Variants in C1orf146 observed in about 807,000 individuals in gnomAD.
C1orf146 encodes protein SPO16 homolog.
Under a neutral mutation model 23.0 loss-of-function variants are expected in C1orf146, and 22 were observed. That is an observed-to-expected ratio of 0.96 (90% CI 0.68 to 1.36). The LOEUF (loss-of-function observed/expected upper bound fraction) is 1.36, where lower values mean the gene tolerates loss of function less well. Ranked by LOEUF, C1orf146 falls within the 40% of genes most tolerant of loss-of-function variation. The pLI is 0.00. For synonymous variants in C1orf146, 59 were observed against 65.3 expected (o/e 0.90, Z 0.47); for missense variants, 199 against 206.8 (o/e 0.96, Z 0.23).
At chr1:92,237,305 T>G (rs1652307028) in intron 2 of C1orf146, among the ~76,000 whole-genome samples, 1 of 152,322 alleles carries the variant, frequency 6.6e-6, no homozygotes, top group Non-Finnish European at 1.5e-5. Flanking sequence ...CCTTTCTGTT[T>G]GTTAGTTTTC....
At position 92,223,734 on chromosome 1, in the gene C1orf146, A is replaced by G. The variant is rs369771968; in HGVS notation, c.-40+5686A>G. 1.5e-4 allele frequency among the ~76,000 whole-genome samples: 23 copies of G among 152,108 alleles called. No individual in the cohort carries two copies. The East Asian group carries it at 3.3e-3, about 22-fold the overall frequency. The stretch of plus-strand genomic sequence containing the variant: ...TTTTTAGTAGAAATGGGTTTTCACC[A>G]TGTTGGCCAGGATGGTCTCAAACTC... On this transcript the variant is annotated intron_variant, in intron 1 of 5. Coordinates refer to ENST00000370375, the MANE Select transcript of C1orf146 (RefSeq NM_001012425.2).
At position 92,234,671 on chromosome 1, in the gene C1orf146, G is replaced by C. The variant is rs558512742; in HGVS notation, c.66+3185G>C. On this transcript the variant is annotated intron_variant, in intron 2 of 5. Coordinates refer to ENST00000370375, the MANE Select transcript of C1orf146 (RefSeq NM_001012425.2). Reference sequence around the variant, plus strand: ...CCCTCTTTTTCTATTGATTGGAATAGTTTCAGAAGGAATGGTACCATCTCC... The same window carrying C: ...CCCTCTTTTTCTATTGATTGGAATACTTTCAGAAGGAATGGTACCATCTCC... Among the ~76,000 whole-genome samples the C allele has an allele frequency of 2.0e-5, 3 of 152,296 alleles. No individual in the cohort carries two copies. The East Asian group carries it at 5.8e-4, about 29-fold the overall frequency.
At chr1:92,222,953 G>T (rs1651873103) in intron 1 of C1orf146, among the ~76,000 whole-genome samples, 1 of 152,108 alleles carries the variant, frequency 6.6e-6, no homozygotes, top group Admixed American at 6.5e-5. Context: ...GCGGGGGTTG[G>T]CATCTTTCCT....
intron 2 of C1orf146, among the ~76,000 whole-genome samples, chr1:92,238,263 A>G (rs1210761770): frequency 6.6e-6 from 1 of 152,182 alleles, no homozygotes; most frequent in African/African-American, 2.4e-5. Flanking sequence ...AATATTATTA[A>G]TAGATGTTAC....
At chr1:92,243,089 G>A (rs922176721) in intron 3 of C1orf146, among the ~76,000 whole-genome samples, 1 of 152,082 alleles carries the variant, frequency 6.6e-6, no homozygotes, top group African/African-American at 2.4e-5. Context: ...CTTCATATAC[G>A]TGATCTAATT....
At chr1:92,236,910 A>AGGCTTCTGC (rs1652291199) in intron 2 of C1orf146, among the ~76,000 whole-genome samples, 1 of 152,014 alleles carries the variant, frequency 6.6e-6, no homozygotes, top group African/African-American at 2.4e-5. Flanking sequence ...TTGGCTCCTG[A>AGGCTTCTGC]GGCTTCTGCA....
chr1:92,226,897 C>T (rs925332143), intron 1 of C1orf146, among the ~76,000 whole-genome samples: 7 of 152,034 alleles, frequency 4.6e-5, no homozygotes, highest in African/African-American at 1.7e-4. Context: ...TGCTTTAAAT[C>T]TGTTTTTCTC....
At chr1:92,229,334 C>T (rs770157547) in intron 1 of C1orf146, 25 of 547,418 alleles carry the variant, frequency 4.6e-5, no homozygotes, top group Non-Finnish European at 7.7e-5. Context: ...CACAGGATTC[C>T]ATGCCCAGGA....
intron 1 of C1orf146, among the ~76,000 whole-genome samples, chr1:92,224,707 T>C (rs1206128271): frequency 1.3e-5 from 2 of 152,228 alleles, no homozygotes; most frequent in African/African-American, 4.8e-5. Context: ...CATTGATTTC[T>C]GCTTTAATCT....
intron 2 of C1orf146, among the ~76,000 whole-genome samples, chr1:92,240,241 G>A (rs1229211956): frequency 6.6e-6 from 1 of 152,190 alleles, no homozygotes; most frequent in Non-Finnish European, 1.5e-5. Flanking sequence ...GCCTCTTTCT[G>A]AGCTGGCAGA....
At chr1:92,244,170 CATCTCT>C in intron 3 of C1orf146, 41 bp from the exon 4 acceptor site, 1 of 1,354,518 alleles carries the variant, frequency 7.4e-7, no homozygotes, top group South Asian at 1.3e-5. Context: ...AACAAAATTT[CATCTCT>C]ATAACAAAGT....
chr1:92,232,622 C>T (rs935428055), intron 2 of C1orf146, among the ~76,000 whole-genome samples: 1 of 152,018 alleles, frequency 6.6e-6, no homozygotes, highest in African/African-American at 2.4e-5. Flanking sequence ...TGGGTATTAC[C>T]CAGTAATGGG....
chr1:92,221,164 AATC>A (rs755977491), intron 1 of C1orf146, among the ~76,000 whole-genome samples: 1 of 152,214 alleles, frequency 6.6e-6, no homozygotes, highest in Non-Finnish European at 1.5e-5. Flanking sequence ...AAAAGAAAGA[AATC>A]ATGTCCTTTA....
rs569968354 is a variant in C1orf146 at position 92,242,205 on chromosome 1, A to T, written c.67-7A>T. 120 of 1,529,676 alleles carry T rather than the reference A, an allele frequency of 7.8e-5. 1 individual carries two copies. The highest frequency in any genetic ancestry group is 6.2e-4 in the African/African-American group (45 of 72,498). 94.8% of individuals were successfully genotyped at this position (1,529,676 alleles called of 1,614,324 possible). A position where few individuals can be genotyped will look rare whatever the true frequency, so the allele number is the denominator to read the frequency against. ...TAAATTTGTATTTCTGATATTTTTT[A>T]AAAAAGAGTTATGAAGTTGCAACTG... is the stretch of plus-strand genomic sequence containing the variant. On this transcript the variant is annotated splice_region_variant and splice_polypyrimidine_tract_variant and intron_variant, in intron 2 of 5. Transcript: ENST00000370375.
chr1:92,239,364 T>C (rs1274349062), intron 2 of C1orf146, among the ~76,000 whole-genome samples: 1 of 152,234 alleles, frequency 6.6e-6, no homozygotes, highest in Non-Finnish European at 1.5e-5. Flanking sequence ...CCTAGAATAG[T>C]GCTATCTTCC....
chr1:92,240,900 C>T, intron 2 of C1orf146: 1 of 461,682 alleles, frequency 2.2e-6, no homozygotes, highest in Non-Finnish European at 4.5e-6. Context: ...GATTTAATTG[C>T]CTGGGTGGAA....
chr1:92,218,377 C>T (rs964107829), intron 1 of C1orf146, among the ~76,000 whole-genome samples: 1 of 151,918 alleles, frequency 6.6e-6, no homozygotes, highest in Non-Finnish European at 1.5e-5. Context: ...CTCACTGGAC[C>T]CGTGAGGAGA....
chr1:92,235,577 G>A (rs1351374621), intron 2 of C1orf146, among the ~76,000 whole-genome samples: 1 of 152,226 alleles, frequency 6.6e-6, no homozygotes, highest in Non-Finnish European at 1.5e-5. Context: ...TGAAGAAAAT[G>A]TATATTCTGT....
chr1:92,226,042 T>C (rs1184411890), intron 1 of C1orf146, among the ~76,000 whole-genome samples: 1 of 152,192 alleles, frequency 6.6e-6, no homozygotes, highest in Non-Finnish European at 1.5e-5. Context: ...CATGTGACAT[T>C]AAATACATTT....
Sources: allele counts gnomAD v4.1 joint callset (sites outside exome capture counted in the v4.1 genomes callset), GRCh38; gene constraint gnomAD v4.1.1; transcripts MANE v1.5; gene names NCBI Gene and HGNC (gene_info 2026-07-23, HGNC 2026-07-21).